SCMH1: variants seen among roughly 807,000 people sequenced by gnomAD.
SCMH1 encodes Scm polycomb group protein homolog 1, also known as polycomb protein SCMH1.
In SCMH1, 37 loss-of-function variants were observed where a neutral mutation model predicts 70.8. The observed-to-expected ratio is 0.52, with a 90% CI of 0.40 to 0.69. The LOEUF (loss-of-function observed/expected upper bound fraction) is 0.69. Among genes scored for constraint, SCMH1 ranks in the 30% least tolerant of loss-of-function variants. The pLI, the probability that SCMH1 is intolerant of heterozygous loss-of-function variation, is 0.00. For missense variants in SCMH1, 607 were observed against 827.3 expected, an observed-to-expected ratio of 0.73 and a Z score of 3.27; for synonymous variants, 292 against 307.4, an observed-to-expected ratio of 0.95 and a Z score of 0.52.
At chr1:41,238,197 T>C (rs1662781681) in intron 1 of SCMH1, among the ~76,000 whole-genome samples, 1 of 152,178 alleles carries the variant, frequency 6.6e-6, no homozygotes, top group African/African-American at 2.4e-5. Flanking sequence ...AAACCATGGG[T>C]ATATCCTCAC....
At chr1:41,075,282 G>A in exon 9 of SCMH1, 4 of 1,614,060 alleles carry the variant, frequency 2.5e-6, no homozygotes, top group Non-Finnish European at 1.7e-6. Flanking sequence ...TCTTGGATGG[G>A]GCAGAGATGG....
chr1:41,179,686 G>C (rs908248346), intron 2 of SCMH1, among the ~76,000 whole-genome samples: 4 of 152,116 alleles, frequency 2.6e-5, no homozygotes, highest in Non-Finnish European at 5.9e-5. Context: ...TCTCTGAATA[G>C]ACCAATAACA....
intron 4 of SCMH1, among the ~76,000 whole-genome samples, chr1:41,153,006 C>T (rs1200260738): frequency 3.9e-5 from 6 of 152,142 alleles, no homozygotes. Flanking sequence ...GGTTTAAAGG[C>T]GTTATCAGAA....
At chr1:41,041,719 C>T (rs1362024141) in intron 12 of SCMH1, among the ~76,000 whole-genome samples, 4 of 152,156 alleles carry the variant, frequency 2.6e-5, no homozygotes, top group African/African-American at 9.7e-5. Flanking sequence ...CACTGTGAAT[C>T]TTGGGATTTG....
chr1:41,053,913 C>T (rs1649229507), intron 10 of SCMH1, among the ~76,000 whole-genome samples: 2 of 151,740 alleles, frequency 1.3e-5, no homozygotes, highest in Admixed American at 6.6e-5. Flanking sequence ...GGCGTGATCT[C>T]GGCTCACTGC....
chr1:41,070,761 G>A, intron 9 of SCMH1, 40 bp from the exon 10 acceptor site: 2 of 1,610,276 alleles, frequency 1.2e-6, no homozygotes, highest in East Asian at 2.2e-5. Flanking sequence ...ACCCATGACA[G>A]GTCTTTTCAT....
chr1:41,198,139 T>C (rs1476398279), intron 1 of SCMH1, among the ~76,000 whole-genome samples: 1 of 152,190 alleles, frequency 6.6e-6, no homozygotes, highest in Non-Finnish European at 1.5e-5. Context: ...TAAGTAAGTG[T>C]CTGATATATA....
intron 7 of SCMH1, among the ~76,000 whole-genome samples, chr1:41,115,056 CT>C (rs919404286): frequency 4.6e-5 from 7 of 152,212 alleles, no homozygotes; most frequent in African/African-American, 1.2e-4. Flanking sequence ...TTTTTACTAA[CT>C]TTTTTTCTAG....
At chr1:41,110,500 G>C (rs918029107) in intron 8 of SCMH1, among the ~76,000 whole-genome samples, 6 of 152,116 alleles carry the variant, frequency 3.9e-5, no homozygotes, top group Non-Finnish European at 8.8e-5. Context: ...CTGTCTATGT[G>C]TATTTGCCAA....
chr1:41,173,840 G>C (rs1225267089), intron 2 of SCMH1, among the ~76,000 whole-genome samples: 3 of 152,004 alleles, frequency 2.0e-5, no homozygotes, highest in Admixed American at 2.0e-4. Flanking sequence ...AGAACATCAG[G>C]TTAATGAAAT....
chr1:41,083,348 C>A (rs1660635288), intron 8 of SCMH1, among the ~76,000 whole-genome samples: 1 of 152,054 alleles, frequency 6.6e-6, no homozygotes, highest in South Asian at 2.1e-4. Flanking sequence ...AACAGAGAGC[C>A]AAATCATGAG....
chr1:41,039,638 T>C (rs977798519), intron 12 of SCMH1, among the ~76,000 whole-genome samples: 1 of 152,008 alleles, frequency 6.6e-6, no homozygotes, highest in Non-Finnish European at 1.5e-5. Context: ...CACTGATTTT[T>C]TTTTTTTGTA....
intron 1 of SCMH1, among the ~76,000 whole-genome samples, chr1:41,192,601 C>T (rs1420837455): frequency 6.6e-6 from 1 of 151,986 alleles, no homozygotes; most frequent in Non-Finnish European, 1.5e-5. Context: ...TTTCCTTCAT[C>T]ATCATCCTTT....
chr1:41,231,313 A>T (rs564503083), intron 1 of SCMH1, among the ~76,000 whole-genome samples: 1 of 152,360 alleles, frequency 6.6e-6, no homozygotes, highest in Non-Finnish European at 1.5e-5. Flanking sequence ...AATTAGGCAC[A>T]TCATTTTATG....
At position 41,176,736 on chromosome 1, in the gene SCMH1, T is replaced by C. The variant is rs989944807; in HGVS notation, c.13+9385A>G. Among the ~76,000 whole-genome samples, 4 of 151,888 alleles carry C rather than the reference T, an allele frequency of 2.6e-5. No homozygotes were observed. The South Asian group carries it at 6.2e-4, about 24-fold the overall frequency. On this transcript the variant is annotated intron_variant, in intron 2 of 14. Transcript: ENST00000337495. ...CCGCCATTGCTGAGGCTTGAGTAAGTAAAAAAAGTGGCCAGGAAGCTCGAA... is the reference window on the plus strand; with the variant it reads ...CCGCCATTGCTGAGGCTTGAGTAAGCAAAAAAAGTGGCCAGGAAGCTCGAA...
At chr1:41,046,996 T>C (rs1353819424) in intron 11 of SCMH1, among the ~76,000 whole-genome samples, 1 of 152,196 alleles carries the variant, frequency 6.6e-6, no homozygotes, top group Non-Finnish European at 1.5e-5. Flanking sequence ...GAGTAGAATA[T>C]AGCCATAGCC....
At chr1:41,156,794 C>T (rs1024834258) in intron 4 of SCMH1, among the ~76,000 whole-genome samples, 2 of 151,888 alleles carry the variant, frequency 1.3e-5, no homozygotes, top group Middle Eastern at 3.2e-3. Context: ...GATTTTGATA[C>T]AACATATATA....
intron 1 of SCMH1, among the ~76,000 whole-genome samples, chr1:41,220,618 T>C (rs1573181696): frequency 6.6e-6 from 1 of 152,258 alleles, no homozygotes; most frequent in Non-Finnish European, 1.5e-5. Flanking sequence ...TGTTTAGCTT[T>C]GTTAACACAT....
intron 6 of SCMH1, among the ~76,000 whole-genome samples, chr1:41,117,617 G>A (rs1315212935): frequency 6.6e-6 from 1 of 152,218 alleles, no homozygotes; most frequent in Non-Finnish European, 1.5e-5. Context: ...CTGTGATGCT[G>A]TGCTTCAGTG....
Sources: gnomAD v4.1 joint callset for allele counts (sites outside exome capture counted in the v4.1 genomes callset) on GRCh38, gnomAD v4.1.1 for gene constraint, MANE v1.5 for transcripts, NCBI Gene and HGNC (gene_info 2026-07-23, HGNC 2026-07-21) for gene names.